The following PIAS2 variants were observed in gnomAD, a reference collection of about 807,000 sequenced individuals.
PIAS2 encodes protein inhibitor of activated STAT 2.
PIAS2 carries 19 observed loss-of-function variants against 69.7 expected under a neutral mutation model. The ratio of observed to expected loss-of-function variants is 0.27; its 90% confidence interval spans 0.19 to 0.40. The LOEUF is 0.40. Among genes scored for constraint, PIAS2 ranks in the 10% least tolerant of loss-of-function variants. PIAS2 has a pLI of 1.00. For synonymous variants in PIAS2, 261 were observed against 263.2 expected (o/e 0.99, Z 0.08); for missense variants, 624 against 757.0 (o/e 0.82, Z 2.06).
At chr18:46,883,939 TAG>T (rs1446683825) in intron 2 of PIAS2, among the ~76,000 whole-genome samples, 1 of 152,110 alleles carries the variant, frequency 6.6e-6, no homozygotes, top group Non-Finnish European at 1.5e-5. Context: ...ACCTGAGAGG[TAG>T]AGGGTGCAGT....
chr18:46,878,976 A>G (rs897049221), intron 2 of PIAS2, among the ~76,000 whole-genome samples: 2 of 152,226 alleles, frequency 1.3e-5, no homozygotes, highest in Admixed American at 6.5e-5. Context: ...GAGGTTTTTT[A>G]GGGAGTTTTG....
At chr18:46,827,628 C>CA (rs1190681764) in intron 11 of PIAS2, 1 of 192,970 alleles carries the variant, frequency 5.2e-6, no homozygotes, top group Non-Finnish European at 1.1e-5. Context: ...CCATACTTGT[C>CA]AGATTCCCAG....
chr18:46,816,061 G>C (rs1324830323), intron 12 of PIAS2: 3 of 984,342 alleles, frequency 3.0e-6, no homozygotes, highest in Non-Finnish European at 3.6e-6. Context: ...GAAAAGTCTA[G>C]TAATAAACTT....
intron 1 of PIAS2, among the ~76,000 whole-genome samples, chr18:46,909,547 C>G (rs897670237): frequency 6.6e-6 from 1 of 152,152 alleles, no homozygotes. Flanking sequence ...CATGCCCAAC[C>G]GATAAAACCT....
intron 2 of PIAS2, among the ~76,000 whole-genome samples, chr18:46,873,101 G>A (rs968783377): frequency 3.3e-5 from 5 of 152,140 alleles, no homozygotes; most frequent in Admixed American, 6.5e-5. Flanking sequence ...CACGGCTACC[G>A]CCTTGTTAAC....
At chr18:46,832,384 C>G (rs920136688) in intron 9 of PIAS2, among the ~76,000 whole-genome samples, 2 of 151,730 alleles carry the variant, frequency 1.3e-5, no homozygotes, top group African/African-American at 4.8e-5. Flanking sequence ...CCACTGCACT[C>G]CAGCCTGGGC....
intron 7 of PIAS2, among the ~76,000 whole-genome samples, 178 bp downstream of exon 7, chr18:46,844,556 T>C: frequency 6.6e-6 from 1 of 152,168 alleles, no homozygotes; most frequent in Non-Finnish European, 1.5e-5. Context: ...TAAAAACTAC[T>C]ATGTGGTAAT....
At chr18:46,850,581 A>C (rs185768494) in intron 5 of PIAS2, among the ~76,000 whole-genome samples, 14 of 152,312 alleles carry the variant, frequency 9.2e-5, no homozygotes, top group Admixed American at 2.6e-4. Context: ...GAAACAAAAA[A>C]CTTCACAGAA....
chr18:46,841,279 G>C (rs2045346512), intron 8 of PIAS2, among the ~76,000 whole-genome samples: 1 of 152,128 alleles, frequency 6.6e-6, no homozygotes, highest in Non-Finnish European at 1.5e-5. Flanking sequence ...ATCACTTTAC[G>C]AAAATACTGT....
At chr18:46,848,469 A>G (rs563249825) in intron 5 of PIAS2, among the ~76,000 whole-genome samples, 17 of 152,196 alleles carry the variant, frequency 1.1e-4, no homozygotes. Context: ...AGCAATTTTA[A>G]GACACTTCTG....
At chr18:46,820,213 G>A (rs1348882562) in intron 12 of PIAS2, among the ~76,000 whole-genome samples, 1 of 151,966 alleles carries the variant, frequency 6.6e-6, no homozygotes, top group Non-Finnish European at 1.5e-5. Flanking sequence ...TCAAGTAACC[G>A]TTATTTTAAC....
chr18:46,826,780 C>T (rs2042905095), intron 11 of PIAS2: 2 of 152,052 alleles, frequency 1.3e-5, no homozygotes, highest in Admixed American at 1.3e-4. Context: ...TAAATATATG[C>T]CTTTAATATA....
intron 1 of PIAS2, chr18:46,916,893 G>GA: frequency 1.0e-6 from 1 of 985,514 alleles, no homozygotes; most frequent in Non-Finnish European, 1.2e-6. Flanking sequence ...TCAGCTTTCA[G>GA]AAAACAGTCC....
Position 46,866,490 on chromosome 18 carries a change from C to A in PIAS2, c.500-2242G>T, listed in dbSNP as rs1384194379. 3.9e-5 allele frequency among the ~76,000 whole-genome samples: 6 copies of A among 152,310 alleles called. No homozygotes were observed. The South Asian group carries it at 8.3e-4, about 21-fold the overall frequency. On this transcript the variant is annotated intron_variant, in intron 2 of 13. Transcript: ENST00000585916. ...AGAAGATATAAGAATTTGCTGACAG[C>A]AGACATGCATTACAAGAAATGTAAA... is the stretch of plus-strand genomic sequence containing the variant.
chr18:46,909,762 A>G (rs4890698), intron 1 of PIAS2, among the ~76,000 whole-genome samples: 68,053 of 152,094 alleles, frequency 0.45, 15,297 homozygotes, highest in Middle Eastern at 0.52. Flanking sequence ...TATTCACACT[A>G]AGTGAGATCA....
chr18:46,828,047 T>C lies in PIAS2; in HGVS notation c.1420A>G (p.Ile474Val). ...KKKVDVIDLT[I>V]ESSSDEEEDP... The stretch of plus-strand genomic sequence containing the variant: ...TCCTCTTCGTCAGAAGAGCTTTCTA[T>C]TGTAAGATCAATAACATCTACTTTC... Residue 474 changes from isoleucine (I) to valine (V), a missense_variant, in exon 11 of 14, where the codon ATA (isoleucine) becomes GTA (valine). By Grantham distance (29) the Ile-to-Val change is conservative. Transcript: ENST00000585916. 2 of 1,613,922 alleles carry C rather than the reference T, an allele frequency of 1.2e-6. No homozygotes were observed. The highest frequency in any genetic ancestry group is 1.7e-6 in the Non-Finnish European group (2 of 1,179,856).
intron 1 of PIAS2, among the ~76,000 whole-genome samples, chr18:46,914,775 G>A (rs2057633119): frequency 6.6e-6 from 1 of 151,954 alleles, no homozygotes; most frequent in Non-Finnish European, 1.5e-5. Flanking sequence ...CCAAATATGT[G>A]GCATCCAGAT....
chr18:46,821,132 A>G, intron 11 of PIAS2, 60 bp from the exon 12 acceptor site: 2 of 1,571,940 alleles, frequency 1.3e-6, no homozygotes, highest in Non-Finnish European at 1.7e-6. Context: ...AGGAGAGAAG[A>G]GCTGCACCAC....
At chr18:46,843,527 C>T (rs1260456785) in intron 8 of PIAS2, among the ~76,000 whole-genome samples, 1 of 152,160 alleles carries the variant, frequency 6.6e-6, no homozygotes, top group Non-Finnish European at 1.5e-5. Context: ...AAGCAAGCCT[C>T]AATATTTTCT....
Sources: gnomAD v4.1 joint callset for allele counts (sites outside exome capture counted in the v4.1 genomes callset) on GRCh38, gnomAD v4.1.1 for gene constraint, MANE v1.5 for transcripts, NCBI Gene and HGNC (gene_info 2026-07-23, HGNC 2026-07-21) for gene names.